Variants in YLPM1 observed in about 807,000 individuals in gnomAD.
The protein encoded by YLPM1 is YLP motif-containing protein 1.
In YLPM1, 99 loss-of-function variants were observed where a neutral mutation model predicts 230.0. That is an observed-to-expected ratio of 0.43 (90% CI 0.37 to 0.51). The LOEUF is 0.51. Ranked by LOEUF, YLPM1 falls within the 20% of genes least tolerant of loss-of-function variation. The pLI, the probability that YLPM1 is intolerant of heterozygous loss-of-function variation, is 0.00. For synonymous variants in YLPM1, 984 were observed against 942.5 expected (o/e 1.04, Z -0.81); for missense variants, 2,592 against 2,707.7 (o/e 0.96, Z 0.95).
Position 74,810,365 on chromosome 14 carries a change from G to T in YLPM1, c.5173G>T (p.Val1725Phe), listed in dbSNP as rs760155352. 1.9e-6 allele frequency: 3 copies of T among 1,613,842 alleles called. No individual in the cohort carries two copies. Among genetic ancestry groups the T allele is most frequent in the Non-Finnish European group, 2.5e-6 (3 of 1,179,870 alleles). Residue 1725 changes from valine (V) to phenylalanine (F), a missense_variant, in exon 9 of 21, where the codon GTT becomes TTT. Coordinates refer to ENST00000325680, the MANE Select transcript of YLPM1 (RefSeq NM_019589.3). ...TAGAGATCGAGACCGGGATCGTGGT[G>T]TTATTGACTATGACCGGGATCGATT... Reference protein sequence around the residue: ...THRDRDRDRGVIDYDRDRFDR... With the variant: ...THRDRDRDRGFIDYDRDRFDR...
intron 11 of YLPM1, among the ~76,000 whole-genome samples, chr14:74,813,381 T>C (rs978869958): frequency 2.0e-5 from 3 of 152,196 alleles, no homozygotes; most frequent in Non-Finnish European, 4.4e-5. Flanking sequence ...TATCTTTTAA[T>C]GTAAAGTGTG....
intron 12 of YLPM1, 129 bp from the exon 13 acceptor site, chr14:74,816,442 A>G: frequency 7.5e-7 from 1 of 1,325,842 alleles, no homozygotes; most frequent in Non-Finnish European, 1.0e-6. Flanking sequence ...TCAGAGAAAC[A>G]TTTTTGCCTC....
intron 17 of YLPM1, chr14:74,821,587 C>T (rs2091521092): frequency 1.3e-5 from 2 of 152,602 alleles, no homozygotes; most frequent in Admixed American, 6.5e-5. Context: ...TTGCCACTGG[C>T]TGCTAGATTT....
intron 16 of YLPM1, 105 bp downstream of exon 16, chr14:74,818,419 T>C: frequency 5.8e-6 from 5 of 860,646 alleles, no homozygotes; most frequent in Non-Finnish European, 8.4e-6. Flanking sequence ...ATAGTATTCA[T>C]ACAAGAACAC....
chr14:74,811,470 A>T, intron 9 of YLPM1, 150 bp from the exon 10 acceptor site: 1 of 555,464 alleles, frequency 1.8e-6, no homozygotes. Flanking sequence ...TTGACAAAGT[A>T]AGACCCCAAT....
At chr14:74,777,262 G>A (rs1483478548) in intron 1 of YLPM1, among the ~76,000 whole-genome samples, 1 of 151,794 alleles carries the variant, frequency 6.6e-6, no homozygotes, top group African/African-American at 2.4e-5. Flanking sequence ...TAAATAGAAA[G>A]CATTTTAAAA....
chr14:74,823,653 G>C (rs2091540657), intron 17 of YLPM1, among the ~76,000 whole-genome samples: 1 of 152,072 alleles, frequency 6.6e-6, no homozygotes, highest in Admixed American at 6.5e-5. Flanking sequence ...TTCTGAATTT[G>C]ATTCAGTAAA....
At position 74,769,366 on chromosome 14, in the gene YLPM1, G is replaced by A. The variant is rs538497517; in HGVS notation, c.873+5004G>A. ...CGGCTCACTGCAACCTCTGCCTCCC[G>A]GGTTCAAACAATTCTCCTGCCTCAG... On this transcript the variant is annotated intron_variant, in intron 1 of 20. Coordinates refer to ENST00000325680, the MANE Select transcript of YLPM1 (RefSeq NM_019589.3). 4.5e-5 allele frequency among the ~76,000 whole-genome samples: 6 copies of A among 134,264 alleles called. No individual in the cohort carries two copies. In the South Asian group the frequency reaches 7.6e-4, roughly 17 times the overall value. 88.1% of individuals were successfully genotyped at this position (134,264 alleles called of 152,430 possible).
Position 74,798,651 on chromosome 14 carries a change from C to G in YLPM1, c.3354C>G (p.Gly1118=), listed in dbSNP as rs774202186. ...AAAGGGGACCACCTCGGAGGGCTGG[C>G]AGTCAGGAGAGGGGACCTCTTCGAA... ...SRERGPPRRA[G]SQERGPLRRA... Residue 1118 remains glycine (G), a synonymous_variant, in exon 5 of 21, where the codon GGC becomes GGG. Transcript: ENST00000325680. 2 of 1,611,528 alleles carry G rather than the reference C, an allele frequency of 1.2e-6. No homozygotes were observed. The highest frequency in any genetic ancestry group is 4.5e-5 in the East Asian group (2 of 44,850).
At chr14:74,786,731 C>G (rs564492463) in intron 4 of YLPM1, among the ~76,000 whole-genome samples, 9 of 152,216 alleles carry the variant, frequency 5.9e-5, no homozygotes, top group African/African-American at 2.2e-4. Context: ...ATGAAAAGTG[C>G]TGCTGTGTGT....
At chr14:74,835,120 T>G in intron 19 of YLPM1, 145 bp from the exon 20 acceptor site, 1 of 1,016,418 alleles carries the variant, frequency 9.8e-7, no homozygotes, top group Non-Finnish European at 1.4e-6. Context: ...ATATGGCTTT[T>G]CCCAGTTTTC....
chr14:74,803,852 A>G (rs2091351987), intron 6 of YLPM1, among the ~76,000 whole-genome samples: 1 of 152,118 alleles, frequency 6.6e-6, no homozygotes, highest in Non-Finnish European at 1.5e-5. Flanking sequence ...TGACAGATGT[A>G]TACCAAAAGA....
chr14:74,826,023 T>TA (rs1457027139), intron 18 of YLPM1, among the ~76,000 whole-genome samples: 4 of 152,204 alleles, frequency 2.6e-5, no homozygotes, highest in African/African-American at 9.6e-5. Flanking sequence ...GACAGAATAG[T>TA]AGACAATGAA....
Position 74,811,681 on chromosome 14 carries a change from C to T in YLPM1, c.5290C>T (p.Pro1764Ser), listed in dbSNP as rs2091436305. 8.7e-6 allele frequency: 14 copies of T among 1,612,364 alleles called. No individual in the cohort carries two copies. The highest frequency in any genetic ancestry group is 1.2e-5 in the Non-Finnish European group (14 of 1,179,468). Residue 1764 changes from proline (P) to serine (S), a missense_variant, in exon 10 of 21, where the codon CCA becomes TCA. Coordinates refer to ENST00000325680, the MANE Select transcript of YLPM1 (RefSeq NM_019589.3). ...SSSRRGGFDR[P>S]SYDRKSDRPV... ...ATCCAGAAGAGGGGGTTTTGATAGGCCATCCTATGACCGGAAGTCTGACCG... is the reference window on the plus strand; with the variant it reads ...ATCCAGAAGAGGGGGTTTTGATAGGTCATCCTATGACCGGAAGTCTGACCG...
intron 1 of YLPM1, among the ~76,000 whole-genome samples, chr14:74,768,472 C>T (rs1325158789): frequency 6.6e-6 from 1 of 152,156 alleles, no homozygotes; most frequent in Admixed American, 6.5e-5. Flanking sequence ...GTCTCGAACT[C>T]CTGACCTCAA....
rs1412985066 is a variant in YLPM1 at position 74,799,290 on chromosome 14, T to TCCACCTTTACCGCCCCTC, written c.4000_4017dup (p.Pro1338_Leu1343dup). The TCCACCTTTACCGCCCCTC allele has an allele frequency of 6.2e-7, 1 of 1,614,012 alleles. No homozygotes were observed. The highest frequency in any genetic ancestry group is 1.7e-5 in the Admixed American group (1 of 60,020). ...TTCGTGAACGGGATATTCCATCTCT[T>TCCACCTTTACCGCCCCTC]CCACCTTTACCGCCCCTCCCACCTC... On this transcript the variant is annotated inframe_insertion, in exon 5 of 21. Transcript: ENST00000325680.
chr14:74,815,791 A>G (rs559372559), intron 11 of YLPM1, among the ~76,000 whole-genome samples: 1 of 152,002 alleles, frequency 6.6e-6, no homozygotes, highest in Non-Finnish European at 1.5e-5. Context: ...ATTTATAGCT[A>G]TCAATTTCCT....
At chr14:74,835,024 G>C in intron 19 of YLPM1, 1 of 400,636 alleles carries the variant, frequency 2.5e-6, no homozygotes, top group Non-Finnish European at 4.4e-6. Context: ...AGGAGAAAGA[G>C]AGGACAGGAT....
At position 74,810,294 on chromosome 14, in the gene YLPM1, A is replaced by G; in HGVS notation, c.5102A>G (p.Asn1701Ser). 1.9e-6 allele frequency: 3 copies of G among 1,613,952 alleles called. No homozygotes were observed. Among genetic ancestry groups the G allele is most frequent in the Non-Finnish European group, 2.5e-6 (3 of 1,179,874 alleles). ...GAGCCTTATTTTGATCGTCAAAGTA[A>G]TGTCATAGCAGATCATCGAGATTTT... ...DREPYFDRQS[N>S]VIADHRDFKR... Residue 1701 changes from asparagine to serine, a missense_variant, in exon 9 of 21, where the codon AAT (asparagine) becomes AGT (serine). This residue lies in a region of YLPM1 where 403 missense variants were observed against 426.7 expected (regional missense o/e 0.94). Transcript: ENST00000325680.
Sources: allele counts gnomAD v4.1 joint callset (sites outside exome capture counted in the v4.1 genomes callset), GRCh38; gene constraint gnomAD v4.1.1; regional missense constraint gnomAD v4.1.1; transcripts MANE v1.5; gene names NCBI Gene and HGNC (gene_info 2026-07-23, HGNC 2026-07-21).